The following ZNF517 variants were observed in gnomAD, a reference collection of about 807,000 sequenced individuals.
ZNF517 encodes zinc finger protein 517.
A neutral mutation model predicts 12.1 loss-of-function variants in ZNF517; 12 were observed. The observed-to-expected ratio is 0.99, with a 90% CI of 0.63 to 1.61. The LOEUF is 1.61. Ranked by LOEUF, ZNF517 falls within the 40% of genes most tolerant of loss-of-function variation. ZNF517 has a pLI of 0.00. For synonymous variants in ZNF517, 388 were observed against 310.2 expected (o/e 1.25, Z -2.63); for missense variants, 781 against 693.2 (o/e 1.13, Z -1.42).
At chr8:144,804,024 C>T (rs1177612990) in intron 3 of ZNF517, 101 bp from the exon 4 acceptor site, 3 of 1,238,412 alleles carry the variant, frequency 2.4e-6, no homozygotes, top group African/African-American at 1.5e-5. Context: ...TGTTCCTGAC[C>T]CACTCCAAGC....
Position 144,802,925 on chromosome 8 carries a change from C to T in ZNF517, c.11C>T (p.Ala4Val). Reference protein sequence around the residue: MAMALPMPGPQEAV... With the variant: MAMVLPMPGPQEAV... ...CAGAGGGACCCTGGAATGGCGATGG[C>T]ACTCCCGATGCCTGGACCTCAGGTG... is the stretch of plus-strand genomic sequence containing the variant. Residue 4 changes from alanine to valine, a missense_variant, in exon 2 of 5, where the codon GCA becomes GTA. Physicochemically the swap from Ala to Val is moderately conservative, Grantham distance 64. Transcript: ENST00000359971. The T allele has an allele frequency of 6.2e-7, 1 of 1,613,926 alleles. No individual in the cohort carries two copies. The highest frequency in any genetic ancestry group is 1.1e-5 in the South Asian group (1 of 91,070).
rs1467260080 is a variant in ZNF517 at position 144,810,008 on chromosome 8, G to A, written c.*1613G>A. 18 of 450,358 alleles carry A rather than the reference G, an allele frequency of 4.0e-5. No homozygotes were observed. In the South Asian group the frequency reaches 5.8e-4, roughly 14 times the overall value. 27.9% of individuals were successfully genotyped at this position (450,358 alleles called of 1,614,324 possible). The stretch of plus-strand genomic sequence containing the variant: ...GTAGAGGTTGCAGTGAGCCGAGATC[G>A]AGCCACTGCACTCCAGCCTGGGTGA... On this transcript the variant is annotated 3_prime_UTR_variant, in exon 5 of 5. Coordinates refer to ENST00000359971, the MANE Select transcript of ZNF517 (RefSeq NM_213605.3).
At chr8:144,800,508 G>C in intron 1 of ZNF517, 7 of 985,328 alleles carry the variant, frequency 7.1e-6, no homozygotes, top group Non-Finnish European at 8.4e-6. Flanking sequence ...ATGTGTTGAG[G>C]GGTCGGGGAT....
chr8:144,803,821 C>T (rs1338318074), intron 3 of ZNF517, 54 bp downstream of exon 3: 3 of 1,584,132 alleles, frequency 1.9e-6, no homozygotes, highest in Non-Finnish European at 2.6e-6. Context: ...GTGTTAGCTT[C>T]AAAGGAAGTT....
chr8:144,803,795 G>A, intron 3 of ZNF517, 28 bp downstream of exon 3: 1 of 1,607,690 alleles, frequency 6.2e-7, no homozygotes, highest in Non-Finnish European at 8.5e-7. Flanking sequence ...TGGTCCTGGG[G>A]CCGGGAGGTG....
At position 144,802,897 on chromosome 8, in the gene ZNF517, CCA is replaced by C; in HGVS notation, c.-15_-14del. On this transcript the variant is annotated 5_prime_UTR_variant, in exon 2 of 5. Transcript: ENST00000359971. ...TTCACTGTCTGTAGCATCTGCTCCTCCACAGAGGGACCCTGGAATGGCGATGG... is the reference window on the plus strand; with the variant it reads ...TTCACTGTCTGTAGCATCTGCTCCTCCAGAGGGACCCTGGAATGGCGATGG... 1 of 1,613,986 alleles carries C rather than the reference CCA, an allele frequency of 6.2e-7. No individual in the cohort carries two copies. Among genetic ancestry groups the C allele is most frequent in the Non-Finnish European group, 8.5e-7 (1 of 1,179,966 alleles).
chr8:144,808,432 C>A lies in ZNF517; in HGVS notation c.*37C>A, dbSNP rs1391129758. ...ACAGGCCGAGGATTCACGCTGGAAG[C>A]CCACCCAAGCCGGCGGGGCCCTAGC... On this transcript the variant is annotated 3_prime_UTR_variant, in exon 5 of 5. Coordinates refer to ENST00000359971, the MANE Select transcript of ZNF517 (RefSeq NM_213605.3). 2.1e-6 allele frequency: 3 copies of A among 1,439,370 alleles called. No homozygotes were observed. Among genetic ancestry groups the A allele is most frequent in the Non-Finnish European group, 2.7e-6 (3 of 1,096,864 alleles). 89.2% of individuals were successfully genotyped at this position (1,439,370 alleles called of 1,614,324 possible).
At chr8:144,805,099 G>GTAAC (rs1238434842) in intron 4 of ZNF517, among the ~76,000 whole-genome samples, 1 of 152,242 alleles carries the variant, frequency 6.6e-6, no homozygotes, top group African/African-American at 2.4e-5. Flanking sequence ...GGTCTGCTAT[G>GTAAC]TAACTAGTGC....
intron 4 of ZNF517, among the ~76,000 whole-genome samples, chr8:144,805,118 G>T (rs1827153866): frequency 6.6e-6 from 1 of 152,226 alleles, no homozygotes; most frequent in African/African-American, 2.4e-5. Flanking sequence ...GCCTTCCCAG[G>T]CACTGGGGTT....
At chr8:144,810,341 C>T (rs75004251), downstream of ZNF517, 2,319 of 530,184 alleles carry the variant, frequency 4.4e-3, 38 homozygotes, top group African/African-American at 0.039. Flanking sequence ...GCAGACCTGG[C>T]CCCTCCAAGG....
At chr8:144,806,957 C>T (rs981010716) in intron 4 of ZNF517, among the ~76,000 whole-genome samples, 1 of 152,106 alleles carries the variant, frequency 6.6e-6, no homozygotes, top group African/African-American at 2.4e-5. Flanking sequence ...CTCACTCTTT[C>T]GCCCAGGCTG....
chr8:144,805,970 G>A (rs1827207281), intron 4 of ZNF517, among the ~76,000 whole-genome samples: 1 of 152,140 alleles, frequency 6.6e-6, no homozygotes, highest in South Asian at 2.1e-4. Flanking sequence ...ACAAGCTGAT[G>A]ACTAATACTA....
chr8:144,803,142 G>T, intron 2 of ZNF517, 195 bp downstream of exon 2: 1 of 692,566 alleles, frequency 1.4e-6, no homozygotes, highest in South Asian at 2.1e-5. Context: ...CAGCCTTTGG[G>T]CAGAAGTGGG....
At position 144,798,937 on chromosome 8, in the gene ZNF517, G is replaced by C. The variant is rs1826790627; in HGVS notation, c.-46G>C. On this transcript the variant is annotated splice_region_variant and 5_prime_UTR_variant, in exon 1 of 5. Transcript: ENST00000359971. ...TCCCCGCGCTGTCTCGGCGGCCCAG[G>C]GTGAGTCGGCCGCGGCCGCGGGGCG... The C allele has an allele frequency of 6.6e-6, 1 of 152,102 alleles. No individual in the cohort carries two copies. The highest frequency in any genetic ancestry group is 2.1e-4 in the South Asian group (1 of 4,828). 9.4% of individuals were successfully genotyped at this position (152,102 alleles called of 1,614,324 possible).
In ZNF517 at chr8:144,808,198, G is replaced by A. The variant is rs957251789; in HGVS notation, c.1282G>A (p.Glu428Lys). 7.5e-6 allele frequency: 12 copies of A among 1,609,272 alleles called. No individual in the cohort carries two copies. Among genetic ancestry groups the A allele is most frequent in the Admixed American group, 1.7e-5 (1 of 59,760 alleles). Residue 428 changes from glutamate to lysine, a missense_variant, in exon 5 of 5, where the codon GAG becomes AAG. Transcript: ENST00000359971. The stretch of plus-strand genomic sequence containing the variant: ...CAAGGAGAAGCCCTTCGCGTGCACC[G>A]AGTGCGGCAAGGCGTTCCGCAGGAG... Reference protein sequence around the residue: ...HTKEKPFACTECGKAFRRSYT... With the variant: ...HTKEKPFACTKCGKAFRRSYT...
At position 144,807,801 on chromosome 8, in the gene ZNF517, C is replaced by T; in HGVS notation, c.885C>T (p.Gly295=). Residue 295 remains glycine, a synonymous_variant, in exon 5 of 5, where the codon GGC becomes GGT. Coordinates refer to ENST00000359971, the MANE Select transcript of ZNF517 (RefSeq NM_213605.3). ...AGCCCTTCGCGTGCACAGAGTGCGG[C>T]AAGGCGTTCTGCCGCAGGTTCACCC... ...GEKPFACTEC[G]KAFCRRFTLN... The T allele has an allele frequency of 6.2e-7, 1 of 1,610,996 alleles. No homozygotes were observed. The highest frequency in any genetic ancestry group is 1.1e-5 in the South Asian group (1 of 90,978).
intron 1 of ZNF517, among the ~76,000 whole-genome samples, chr8:144,800,936 TCTC>T (rs1826929368): frequency 6.6e-6 from 1 of 151,632 alleles, no homozygotes; most frequent in Non-Finnish European, 1.5e-5. Context: ...CTCAAGCAGT[TCTC>T]CTGCCTCAGC....
At chr8:144,810,770 A>C (rs907994065), downstream of ZNF517, 3 of 154,704 alleles carry the variant, frequency 1.9e-5, no homozygotes, top group African/African-American at 7.2e-5. Context: ...CAGCGGGAAT[A>C]ACACTTCCTT....
At chr8:144,803,487 G>C (rs566395420) in intron 2 of ZNF517, 154 bp from the exon 3 acceptor site, 1 of 953,160 alleles carries the variant, frequency 1.0e-6, no homozygotes, top group Admixed American at 2.5e-5. Flanking sequence ...CCGCTCACTC[G>C]GGGGGTGTTG....
Sources: allele counts gnomAD v4.1 joint callset (sites outside exome capture counted in the v4.1 genomes callset), GRCh38; gene constraint gnomAD v4.1.1; transcripts MANE v1.5; gene names NCBI Gene and HGNC (gene_info 2026-07-23, HGNC 2026-07-21).